Variants in COPG2 observed in about 807,000 individuals in gnomAD.
COPG2 encodes coatomer subunit gamma-2.
A neutral mutation model predicts 46.3 loss-of-function variants in COPG2; 37 were observed. The ratio of observed to expected loss-of-function variants is 0.80; its 90% CI spans 0.61 to 1.05. COPG2 has a LOEUF of 1.05. Ranked by LOEUF, COPG2 falls within the 50% of genes least tolerant of loss-of-function variation. The probability of loss-of-function intolerance (pLI) is 0.00; values close to 1 mark genes in which losing one functional copy is unlikely to be tolerated. For synonymous variants in COPG2, 159 were observed against 129.7 expected, an observed-to-expected ratio of 1.23 and a Z score of -1.53; for missense variants, 427 against 387.8, an observed-to-expected ratio of 1.10 and a Z score of -0.85.
At chr7:130,520,655 A>T (rs1231727300) in intron 20 of COPG2, among the ~76,000 whole-genome samples, 1 of 152,246 alleles carries the variant, frequency 6.6e-6, no homozygotes, top group Admixed American at 6.5e-5. Context: ...CTCATTCCCT[A>T]TGCTGAAGGA....
At chr7:130,523,208 C>G (rs1206227631) in intron 20 of COPG2, among the ~76,000 whole-genome samples, 5 of 150,178 alleles carry the variant, frequency 3.3e-5, no homozygotes, top group Non-Finnish European at 5.9e-5. Flanking sequence ...AGGTGGCTGT[C>G]CACATCAGTG....
chr7:130,627,712 A>G (rs1303255781), intron 5 of COPG2, among the ~76,000 whole-genome samples: 10 of 128,638 alleles, frequency 7.8e-5, no homozygotes, highest in African/African-American at 2.4e-4. Flanking sequence ...TCCCTCTTCT[A>G]TCTATCTACA....
chr7:130,511,582 G>A (rs1554441011), intron 20 of COPG2: 1 of 519,462 alleles, frequency 1.9e-6, no homozygotes, highest in Admixed American at 1.9e-5. Context: ...AGATGAAAAG[G>A]AGTTGGTCAC....
At chr7:130,546,284 G>A (rs1190265831) in intron 20 of COPG2, among the ~76,000 whole-genome samples, 2 of 152,048 alleles carry the variant, frequency 1.3e-5, no homozygotes, top group East Asian at 3.9e-4. Context: ...TTTAGAAAAA[G>A]GTAAATAAAA....
chr7:130,557,833 A>AAAAAC (rs1212641086), intron 12 of COPG2, among the ~76,000 whole-genome samples: 1 of 147,978 alleles, frequency 6.8e-6, no homozygotes, highest in Non-Finnish European at 1.5e-5. Flanking sequence ...AAAAAAAAAA[A>AAAAAC]AAAAATCATG....
chr7:130,658,774 G>T (rs2116254575), intron 4 of COPG2, among the ~76,000 whole-genome samples: 1 of 151,912 alleles, frequency 6.6e-6, no homozygotes, highest in Admixed American at 6.6e-5. Context: ...TCCCCCTCCT[G>T]GGTTCAAGTG....
At chr7:130,515,042 G>T (rs1433967185) in intron 20 of COPG2, among the ~76,000 whole-genome samples, 9 of 152,134 alleles carry the variant, frequency 5.9e-5, no homozygotes, top group Non-Finnish European at 1.2e-4. Flanking sequence ...AAGTTGAAGA[G>T]CAATGCTTCT....
Position 130,506,257 on chromosome 7 carries a change from T to TTTA in COPG2, c.*416_*418dup, listed in dbSNP as rs1203232622. On this transcript the variant is annotated 3_prime_UTR_variant, in exon 24 of 24. Coordinates refer to ENST00000425248, the MANE Select transcript of COPG2 (RefSeq NM_012133.6). ...AACAACTTTGAAACTGGAATAAGTG[T>TTTA]TTATTTTCTATTAATAAAAATGAAT... 6.6e-6 allele frequency: 1 copy of TTTA among 152,244 alleles called. No individual in the cohort carries two copies. The highest frequency in any genetic ancestry group is 1.5e-5 in the Non-Finnish European group (1 of 68,052). 9.4% of individuals were successfully genotyped at this position (152,244 alleles called of 1,614,324 possible).
chr7:130,628,904 C>T (rs1353794370), intron 5 of COPG2, among the ~76,000 whole-genome samples: 1 of 152,056 alleles, frequency 6.6e-6, no homozygotes, highest in Non-Finnish European at 1.5e-5. Context: ...AAAAATTAGT[C>T]AGGCATAGTA....
At chr7:130,631,140 A>G (rs1795219997) in intron 5 of COPG2, among the ~76,000 whole-genome samples, 2 of 143,938 alleles carry the variant, frequency 1.4e-5, no homozygotes, top group African/African-American at 5.1e-5. Flanking sequence ...CATTCATCTC[A>G]TCTGGTTTTT....
chr7:130,522,896 T>C (rs1260202520), intron 20 of COPG2, among the ~76,000 whole-genome samples: 1 of 149,346 alleles, frequency 6.7e-6, no homozygotes, highest in Non-Finnish European at 1.5e-5. Context: ...GGTGGGTGGA[T>C]CGCTTGAGGT....
At chr7:130,527,883 C>A (rs1334675845) in intron 20 of COPG2, among the ~76,000 whole-genome samples, 4 of 152,052 alleles carry the variant, frequency 2.6e-5, no homozygotes, top group African/African-American at 9.7e-5. Context: ...GGGTTTCCAA[C>A]GCCTCGGTCC....
At chr7:130,592,174 G>A (rs1487860705) in intron 9 of COPG2, among the ~76,000 whole-genome samples, 1 of 152,148 alleles carries the variant, frequency 6.6e-6, no homozygotes, top group Non-Finnish European at 1.5e-5. Context: ...GGTGCAAGAT[G>A]TGCTTTGTTA....
chr7:130,633,067 C>T (rs1554455444), intron 5 of COPG2, among the ~76,000 whole-genome samples: 1 of 152,156 alleles, frequency 6.6e-6, no homozygotes, highest in African/African-American at 2.4e-5. Flanking sequence ...CTGCAAAGGA[C>T]ATGAACTCAT....
chr7:130,661,250 C>A (rs550244115), intron 4 of COPG2, among the ~76,000 whole-genome samples: 1 of 152,182 alleles, frequency 6.6e-6, no homozygotes, highest in Non-Finnish European at 1.5e-5. Flanking sequence ...TTCTTTCTTA[C>A]TCTGCTTCCT....
chr7:130,550,299 TA>T (rs1461631082), intron 17 of COPG2, among the ~76,000 whole-genome samples: 1 of 150,022 alleles, frequency 6.7e-6, no homozygotes, highest in Non-Finnish European at 1.5e-5. Flanking sequence ...TAATCCCAGC[TA>T]CTCGGAAGGC....
chr7:130,563,170 T>A, intron 11 of COPG2, 99 bp downstream of exon 11: 1 of 388,420 alleles, frequency 2.6e-6, no homozygotes, highest in Non-Finnish European at 4.5e-6. Flanking sequence ...AGCCCATAAA[T>A]CACATATACT....
chr7:130,598,061 A>C (rs1376032334), intron 9 of COPG2, among the ~76,000 whole-genome samples: 4 of 152,224 alleles, frequency 2.6e-5, no homozygotes, highest in African/African-American at 9.6e-5. Context: ...CCTAACAGCA[A>C]ACCTGTAGGA....
At chr7:130,543,409 TTTGGTGGC>T (rs1793375627) in intron 20 of COPG2, among the ~76,000 whole-genome samples, 1 of 152,176 alleles carries the variant, frequency 6.6e-6, no homozygotes, top group Non-Finnish European at 1.5e-5. Flanking sequence ...CATTAGGGAA[TTTGGTGGC>T]TTCCTTAAAG....
Sources: allele counts gnomAD v4.1 joint callset (sites outside exome capture counted in the v4.1 genomes callset), GRCh38; gene constraint gnomAD v4.1.1; transcripts MANE v1.5; gene names NCBI Gene and HGNC (gene_info 2026-07-23, HGNC 2026-07-21).